Variants in MAPT observed in about 807,000 individuals in gnomAD.
MAPT encodes the protein microtubule associated protein tau.
Under a neutral mutation model 67.9 loss-of-function variants are expected in MAPT, and 34 were observed. That is an observed-to-expected ratio of 0.50 (90% CI 0.38 to 0.67). The LOEUF (loss-of-function observed/expected upper bound fraction) is 0.67, where lower values mean the gene tolerates loss of function less well. Ranked by LOEUF, MAPT falls within the 30% of genes least tolerant of loss-of-function variation. The pLI is 0.00. For missense variants in MAPT, 881 were observed against 1,115.2 expected (o/e 0.79, Z 2.99); for synonymous variants, 456 against 464.5 (o/e 0.98, Z 0.23).
intron 12 of MAPT, among the ~76,000 whole-genome samples, chr17:46,022,353 C>CAAAA (rs56222318): frequency 2.1e-4 from 19 of 89,628 alleles, no homozygotes; most frequent in African/African-American, 8.8e-4. Context: ...ATCTTTGTCT[C>CAAAA]AAAAAAAAAA....
chr17:46,008,785 T>C (rs1326242099), intron 9 of MAPT, among the ~76,000 whole-genome samples: 1 of 152,138 alleles, frequency 6.6e-6, no homozygotes, highest in Non-Finnish European at 1.5e-5. Flanking sequence ...CCACCCAGCA[T>C]TCTCAAAAGA....
At chr17:45,904,763 C>T (rs1378809434) in intron 1 of MAPT, among the ~76,000 whole-genome samples, 1 of 151,792 alleles carries the variant, frequency 6.6e-6, no homozygotes, top group Non-Finnish European at 1.5e-5. Flanking sequence ...CTATTTGTTG[C>T]ATGCCTGCAT....
rs772994199 is a variant in MAPT at position 45,999,625 on chromosome 17, C to T, written c.1998+2961C>T. The T allele has an allele frequency of 1.9e-6, 3 of 1,611,512 alleles. No individual in the cohort carries two copies. In the Admixed American group the frequency reaches 5.0e-5, roughly 27 times the overall value. On this transcript the variant is annotated intron_variant, in intron 9 of 12. Coordinates refer to ENST00000262410, the MANE Select transcript of MAPT (RefSeq NM_001377265.1). ...CCACCCTGCAGCTGCCCTGCCTCTG[C>T]CCATGAGGGGTGAGAGTCAGGCGAC...
chr17:45,964,201 T>TTTTGTTTTGTTTTG (rs1568244045), intron 2 of MAPT, among the ~76,000 whole-genome samples: 1 of 152,088 alleles, frequency 6.6e-6, no homozygotes, highest in African/African-American at 2.4e-5. Flanking sequence ...GTTTTGTTTT[T>TTTTGTTTTGTTTTG]TTTTGTTTTG....
chr17:45,987,179 A>G (rs2073636346), intron 6 of MAPT, 84 bp downstream of exon 6: 9 of 1,290,134 alleles, frequency 7.0e-6, no homozygotes, highest in South Asian at 3.6e-5. Context: ...TCTCATATAT[A>G]ATGTGGGGAG....
Position 45,896,318 on chromosome 17 carries a change from C to T in MAPT, c.-18+1632C>T. ...CCCTACACCCCAAGTGTCCTGAGGG[C>T]CACGCCACACCAGGTTGCCCAGCGA... On this transcript the variant is annotated intron_variant, in intron 1 of 12. Coordinates refer to ENST00000262410, the MANE Select transcript of MAPT (RefSeq NM_001377265.1). This position sits in a 1 kb window ranked among gnomAD's most constrained non-coding sequence, Gnocchi z 5.6. The T allele has an allele frequency of 6.6e-6, 1 of 152,374 alleles. No homozygotes were observed. Among genetic ancestry groups the T allele is most frequent in the African/African-American group, 2.4e-5 (1 of 41,594 alleles). 9.4% of individuals were successfully genotyped at this position (152,374 alleles called of 1,614,324 possible).
chr17:45,990,221 G>A, intron 7 of MAPT, 146 bp downstream of exon 7: 2 of 774,604 alleles, frequency 2.6e-6, no homozygotes, highest in South Asian at 3.2e-5. Context: ...AGAATTCTGG[G>A]CAAAGGGGAA....
intron 1 of MAPT, among the ~76,000 whole-genome samples, chr17:45,916,815 G>A (rs116294890): frequency 2.4e-3 from 367 of 152,314 alleles, no homozygotes; most frequent in African/African-American, 8.4e-3. Context: ...GCCCAGAGAG[G>A]TACAGTTAAC....
Position 45,955,287 on chromosome 17 carries a change from C to A in MAPT, c.-17-7034C>A, listed in dbSNP as rs757806262. 6.6e-5 allele frequency among the ~76,000 whole-genome samples: 10 copies of A among 152,338 alleles called. No homozygotes were observed. The South Asian group carries it at 1.0e-3, about 16-fold the overall frequency. On this transcript the variant is annotated intron_variant, in intron 1 of 12. Transcript: ENST00000262410. Reference sequence around the variant, plus strand: ...TTTAATCCCTCTCCCTGACCCCAACCCGATTTTGAAGCCCAGTCTAGTATT... The same window carrying A: ...TTTAATCCCTCTCCCTGACCCCAACACGATTTTGAAGCCCAGTCTAGTATT...
chr17:45,924,541 C>G (rs1204254039), intron 1 of MAPT, among the ~76,000 whole-genome samples: 1 of 152,258 alleles, frequency 6.6e-6, no homozygotes, highest in African/African-American at 2.4e-5. Flanking sequence ...AGCTTCTCCC[C>G]TGGGGTGCCT....
intron 1 of MAPT, among the ~76,000 whole-genome samples, chr17:45,926,938 C>CATATATATATATATATATAT (rs745356057): frequency 1.8e-5 from 2 of 111,632 alleles, no homozygotes; most frequent in South Asian, 4.9e-4. Flanking sequence ...CATATATACA[C>CATATATATATATATATATAT]ATATATATAC....
At chr17:45,899,851 G>T (rs558843685) in intron 1 of MAPT, among the ~76,000 whole-genome samples, 1 of 152,080 alleles carries the variant, frequency 6.6e-6, no homozygotes, top group Admixed American at 6.6e-5. Flanking sequence ...TCTTCCTAAG[G>T]TCCTTAAACC....
chr17:45,986,092 C>T (rs2073509323), intron 5 of MAPT, among the ~76,000 whole-genome samples: 1 of 152,206 alleles, frequency 6.6e-6, no homozygotes, highest in South Asian at 2.1e-4. Context: ...TTGGTTTCAC[C>T]AAGGAGTGTG....
intron 9 of MAPT, among the ~76,000 whole-genome samples, chr17:46,002,674 G>A (rs1218879005): frequency 2.6e-5 from 4 of 151,328 alleles, no homozygotes; most frequent in African/African-American, 9.9e-5. Context: ...TGAAAGCCTT[G>A]GGGCGGGGGG....
chr17:46,024,294 G>A lies in MAPT; in HGVS notation c.*123G>A. ...CTGCTCCTCGCAGTTCGGTTAATTG[G>A]TTAATCACTTAACCTGCTTTTGTCA... On this transcript the variant is annotated 3_prime_UTR_variant, in exon 13 of 13. Transcript: ENST00000262410. 1 of 885,554 alleles carries A rather than the reference G, an allele frequency of 1.1e-6. No individual in the cohort carries two copies. The highest frequency in any genetic ancestry group is 1.8e-6 in the Non-Finnish European group (1 of 553,488). The allele number at this position is 885,554 out of a possible 1,614,324, so 54.9% of individuals were successfully genotyped here. A position where few individuals can be genotyped will look rare whatever the true frequency, so the allele number is the denominator to read the frequency against.
In MAPT at chr17:45,996,467, C is replaced by T. The variant is rs138984221; in HGVS notation, c.1801C>T (p.Arg601Cys). Residue 601 changes from arginine (R) to cysteine (C), a missense_variant, in exon 9 of 13, where the codon CGC becomes TGC. Transcript: ENST00000262410. The surrounding 1 kb of genome is among the most constrained non-coding windows in gnomAD (Gnocchi z 4.5). ...CGGCTCCCCAGGCACTCCCGGCAGC[C>T]GCTCCCGCACCCCGTCCCTTCCAAC... ...SPGSPGTPGS[R>C]SRTPSLPTPP... 2.8e-5 allele frequency: 45 copies of T among 1,612,970 alleles called. No homozygotes were observed. In the Admixed American group the frequency reaches 3.8e-4, roughly 14 times the overall value.
At chr17:45,932,594 CAAAAAAAAAAA>C (rs982542546) in intron 1 of MAPT, among the ~76,000 whole-genome samples, 2 of 50,096 alleles carry the variant, frequency 4.0e-5, no homozygotes, top group African/African-American at 9.0e-5. Context: ...GACTCCATCT[CAAAAAAAAAAA>C]AAAAAAAAAA....
Position 45,900,764 on chromosome 17 carries a change from C to T in MAPT, c.-18+6078C>T, listed in dbSNP as rs938903205. Among the ~76,000 whole-genome samples the T allele has an allele frequency of 7.9e-5, 12 of 152,296 alleles. No individual in the cohort carries two copies. The South Asian group carries it at 2.5e-3, about 32-fold the overall frequency. ...GCCTCCTGGGCACAAATCCCAGCTC[C>T]CTGCTCACTGTGAGACCTAAGCCAT... On this transcript the variant is annotated intron_variant, in intron 1 of 12. Transcript: ENST00000262410.
chr17:45,943,814 G>A (rs1485523017), intron 1 of MAPT, among the ~76,000 whole-genome samples: 1 of 152,134 alleles, frequency 6.6e-6, no homozygotes, highest in Non-Finnish European at 1.5e-5. Flanking sequence ...GAAGGAATGA[G>A]GAACAGATTC....
Sources: gnomAD v4.1 joint callset for allele counts (sites outside exome capture counted in the v4.1 genomes callset) on GRCh38, gnomAD v4.1.1 for gene constraint, Gnocchi (gnomAD v3.1) non-coding constraint, MANE v1.5 for transcripts, NCBI Gene and HGNC (gene_info 2026-07-23, HGNC 2026-07-21) for gene names.